The following SLC35F5 variants were observed in gnomAD, a reference collection of about 807,000 sequenced individuals.
SLC35F5 encodes the protein HCV NS5A-transactivated protein 3.
Under a neutral mutation model 68.6 loss-of-function variants are expected in SLC35F5, and 54 were observed. The observed-to-expected ratio is 0.79, with a 90% CI of 0.63 to 0.99. The LOEUF is 0.99. SLC35F5 is among the 50% of genes least tolerant of loss of function. The probability of loss-of-function intolerance (pLI) is 0.00; values close to 1 mark genes in which losing one functional copy is unlikely to be tolerated. For missense variants in SLC35F5, 567 were observed against 626.9 expected (o/e 0.90, Z 1.02); for synonymous variants, 211 against 205.2 (o/e 1.03, Z -0.24).
rs1676980203 is a variant in SLC35F5 at position 113,756,205 on chromosome 2, G to A, written c.40+165C>T. 4 of 1,497,214 alleles carry A rather than the reference G, an allele frequency of 2.7e-6. No homozygotes were observed. In the East Asian group the frequency reaches 7.4e-5, roughly 28 times the overall value. The allele number at this position is 1,497,214 out of a possible 1,614,324, so 92.7% of individuals were successfully genotyped here. Reference sequence around the variant, plus strand: ...CCTCAATTGCCAGCGGTGGGCGCAGGGCTCCGGCGCCCCTGTCAGCTCCCG... The same window carrying A: ...CCTCAATTGCCAGCGGTGGGCGCAGAGCTCCGGCGCCCCTGTCAGCTCCCG... On this transcript the variant is annotated intron_variant, in intron 1 of 15. Coordinates refer to ENST00000245680, the MANE Select transcript of SLC35F5 (RefSeq NM_025181.5).
intron 1 of SLC35F5, chr2:113,756,153 G>C (rs562052816): frequency 2.8e-6 from 4 of 1,449,676 alleles, no homozygotes; most frequent in Non-Finnish European, 3.6e-6. Flanking sequence ...TCCCCGGGGA[G>C]CCGAGGCGAG....
At chr2:113,706,418 C>T (rs1383533387), downstream of SLC35F5, among the ~76,000 whole-genome samples, 1 of 152,206 alleles carries the variant, frequency 6.6e-6, no homozygotes, top group Non-Finnish European at 1.5e-5. Context: ...CTCCCTCCAC[C>T]CCACCATCCT....
intron 5 of SLC35F5, among the ~76,000 whole-genome samples, chr2:113,745,647 G>C (rs945822996): frequency 1.3e-5 from 2 of 151,718 alleles, no homozygotes; most frequent in East Asian, 3.9e-4. Context: ...TCCACCAGAG[G>C]CAATAGACCA....
rs1686833603 is a variant in SLC35F5, at chr2:113,707,601, C to G, written c.*7617G>C. ...TTGAAACAGGGTCTCGCTCTGTCAC[C>G]CAGGCTGGAGTGCAGTGGTGTGATC... On this transcript the variant is annotated 3_prime_UTR_variant, in exon 16 of 16. Coordinates refer to ENST00000245680, the MANE Select transcript of SLC35F5 (RefSeq NM_025181.5). 6.6e-6 allele frequency among the ~76,000 whole-genome samples: 1 copy of G among 152,078 alleles called. No individual in the cohort carries two copies. The highest frequency in any genetic ancestry group is 1.5e-5 in the Non-Finnish European group (1 of 68,018).
In SLC35F5 at chr2:113,723,034, T is replaced by C. The variant is rs1687510678; in HGVS notation, c.1341+70A>G. On this transcript the variant is annotated intron_variant, in intron 13 of 15. Transcript: ENST00000245680. ...TTTGTATCCTTATAATTTAATCACATCTCAACTTTCATTAGGTTTGTTTTA... is the reference window on the plus strand; with the variant it reads ...TTTGTATCCTTATAATTTAATCACACCTCAACTTTCATTAGGTTTGTTTTA... The C allele has an allele frequency of 1.5e-5, 16 of 1,035,430 alleles. 1 individual carries two copies. The South Asian group carries it at 3.5e-4, about 23-fold the overall frequency. 64.1% of individuals were successfully genotyped at this position (1,035,430 alleles called of 1,614,324 possible).
chr2:113,726,842 T>C (rs1325963828), intron 11 of SLC35F5, among the ~76,000 whole-genome samples: 2 of 152,234 alleles, frequency 1.3e-5, no homozygotes, highest in Non-Finnish European at 2.9e-5. Flanking sequence ...GTTATACTTG[T>C]GCGCCACACG....
At chr2:113,747,352 G>A (rs541945420) in intron 4 of SLC35F5, among the ~76,000 whole-genome samples, 21 of 151,544 alleles carry the variant, frequency 1.4e-4, no homozygotes, top group African/African-American at 5.1e-4. Context: ...CTGCGCTAAT[G>A]CTATGTAAAT....
intron 3 of SLC35F5, among the ~76,000 whole-genome samples, chr2:113,754,780 T>C (rs1676897659): frequency 6.6e-6 from 1 of 152,342 alleles, no homozygotes; most frequent in African/African-American, 2.4e-5. Flanking sequence ...TTTTTACTCA[T>C]TTGTCCAAAA....
At chr2:113,752,853 T>C (rs1186370957) in intron 3 of SLC35F5, among the ~76,000 whole-genome samples, 2 of 152,156 alleles carry the variant, frequency 1.3e-5, no homozygotes, top group Admixed American at 6.6e-5. Flanking sequence ...CAGTTAATTG[T>C]GTTAACTATG....
At position 113,712,523 on chromosome 2, in the gene SLC35F5, A is replaced by C. The variant is rs571785790; in HGVS notation, c.*2695T>G. 4.6e-5 allele frequency among the ~76,000 whole-genome samples: 7 copies of C among 151,400 alleles called. No homozygotes were observed. In the East Asian group the frequency reaches 1.4e-3, roughly 30 times the overall value. ...GTAGAGACGGGGTTTCACTGTGTTA[A>C]CCAGGATGGTCTCGATCTCCTGACC... On this transcript the variant is annotated 3_prime_UTR_variant, in exon 16 of 16. Transcript: ENST00000245680.
In SLC35F5 at chr2:113,709,093, T is replaced by C. The variant is rs917204535; in HGVS notation, c.*6125A>G. ...CAAAAGCAAAAACAAAATTACGGCC[T>C]ATGTGGTGTCACTGTTATTACCACT... On this transcript the variant is annotated 3_prime_UTR_variant, in exon 16 of 16. Coordinates refer to ENST00000245680, the MANE Select transcript of SLC35F5 (RefSeq NM_025181.5). Among the ~76,000 whole-genome samples, 7 of 152,246 alleles carry C rather than the reference T, an allele frequency of 4.6e-5. No homozygotes were observed. The highest frequency in any genetic ancestry group is 1.4e-4 in the African/African-American group (6 of 41,460).
intron 9 of SLC35F5, among the ~76,000 whole-genome samples, chr2:113,732,871 A>T (rs1687950664): frequency 6.6e-6 from 1 of 152,184 alleles, no homozygotes; most frequent in African/African-American, 2.4e-5. Flanking sequence ...CTTGTTCAAG[A>T]TCTCAAAACT....
At chr2:113,755,617 C>T in intron 1 of SLC35F5, 73 bp from the exon 2 acceptor site, 1 of 1,372,892 alleles carries the variant, frequency 7.3e-7, no homozygotes, top group Non-Finnish European at 1.0e-6. Context: ...TCGTTTTTTA[C>T]TCTTCATCTT....
chr2:113,718,921 GAA>G lies in SLC35F5; in HGVS notation c.1496+231_1496+232del, dbSNP rs1559318256. On this transcript the variant is annotated intron_variant, in intron 14 of 15. Coordinates refer to ENST00000245680, the MANE Select transcript of SLC35F5 (RefSeq NM_025181.5). ...AGAAAGAAAGAAAGAAAGAAAGAAA[GAA>G]AGAAAAAGAAAGGAAGAAAGGAAGG... is the stretch of plus-strand genomic sequence containing the variant. Among the ~76,000 whole-genome samples the G allele has an allele frequency of 8.2e-3, 554 of 67,854 alleles. 15 individuals are homozygous for G. Among genetic ancestry groups the G allele is most frequent in the African/African-American group, 0.025 (526 of 21,368 alleles). The allele number at this position is 67,854 out of a possible 152,430, so 44.5% of individuals were successfully genotyped here.
intron 12 of SLC35F5, among the ~76,000 whole-genome samples, chr2:113,724,549 T>A (rs1162726794): frequency 2.6e-5 from 4 of 152,228 alleles, no homozygotes; most frequent in African/African-American, 9.6e-5. Flanking sequence ...AGGTATTTCT[T>A]AACTGGGCAG....
chr2:113,727,349 T>G (rs1687702033), intron 11 of SLC35F5, among the ~76,000 whole-genome samples: 1 of 152,120 alleles, frequency 6.6e-6, no homozygotes, highest in Non-Finnish European at 1.5e-5. Flanking sequence ...CTTACATCTA[T>G]TGATTAAAAA....
rs769924613 is a variant in SLC35F5 at position 113,750,501 on chromosome 2, T to C, written c.341A>G (p.Tyr114Cys). 1.2e-6 allele frequency: 2 copies of C among 1,613,668 alleles called. No individual in the cohort carries two copies. The highest frequency in any genetic ancestry group is 1.1e-5 in the South Asian group (1 of 91,022). Residue 114 changes from tyrosine (Y) to cysteine (C), a missense_variant, in exon 4 of 16, where the codon TAC (tyrosine) becomes TGC (cysteine). Physicochemically the swap from Tyr to Cys is radical, Grantham distance 194. Transcript: ENST00000245680. Reference sequence around the variant, plus strand: ...CTTCCAAATAATAAAGCCCAAAAGGTACAAAACAAACATAGATGTTTTTGC... The same window carrying C: ...CTTCCAAATAATAAAGCCCAAAAGGCACAAAACAAACATAGATGTTTTTGC... Reference protein sequence around the residue: ...TFAKTSMFVLYLLGFIIWKPW... With the variant: ...TFAKTSMFVLCLLGFIIWKPW...
At chr2:113,733,263 T>C (rs1029429413) in intron 9 of SLC35F5, 1 of 231,196 alleles carries the variant, frequency 4.3e-6, no homozygotes, top group Non-Finnish European at 9.5e-6. Context: ...TCTAATACAA[T>C]CTTATTTACA....
intron 8 of SLC35F5, among the ~76,000 whole-genome samples, chr2:113,735,489 G>C (rs1232129356): frequency 4.6e-5 from 7 of 152,070 alleles, no homozygotes; most frequent in Non-Finnish European, 8.8e-5. Context: ...GTAACACAAT[G>C]GTAAGTATTT....
Sources: allele counts gnomAD v4.1 joint callset (sites outside exome capture counted in the v4.1 genomes callset), GRCh38; gene constraint gnomAD v4.1.1; transcripts MANE v1.5; gene names NCBI Gene and HGNC (gene_info 2026-07-23, HGNC 2026-07-21).